The following CRADD variants were observed in gnomAD, a reference collection of about 807,000 sequenced individuals.
The protein encoded by CRADD is death domain-containing protein CRADD.
CRADD carries 9 observed loss-of-function variants against 15.5 expected under a neutral mutation model. The observed-to-expected ratio is 0.58, with a 90% CI of 0.35 to 1.01. The LOEUF (loss-of-function observed/expected upper bound fraction) is 1.01. Ranked by LOEUF, CRADD falls within the 50% of genes least tolerant of loss-of-function variation. The pLI is 0.02. For synonymous variants in CRADD, 118 were observed against 107.6 expected, an observed-to-expected ratio of 1.10 and a Z score of -0.60; for missense variants, 227 against 250.3, an observed-to-expected ratio of 0.91 and a Z score of 0.63.
chr12:93,750,213 G>T (rs1956813842), intron 2 of CRADD, among the ~76,000 whole-genome samples: 1 of 115,544 alleles, frequency 8.7e-6, no homozygotes, highest in Non-Finnish European at 1.7e-5. Context: ...TGGCTTTTTA[G>T]TAGGCGAGTT....
At chr12:93,762,964 C>T (rs1285237897) in intron 2 of CRADD, among the ~76,000 whole-genome samples, 1 of 152,176 alleles carries the variant, frequency 6.6e-6, no homozygotes, top group Non-Finnish European at 1.5e-5. Context: ...AGATATTTGC[C>T]TTCTCATTGA....
intron 2 of CRADD, among the ~76,000 whole-genome samples, chr12:93,806,180 G>A (rs569840025): frequency 2.6e-5 from 4 of 152,124 alleles, no homozygotes; most frequent in Admixed American, 2.0e-4. Context: ...GTGGCCGGGC[G>A]CAGTGGCTCA....
At chr12:93,789,453 A>G (rs1957324721) in intron 2 of CRADD, among the ~76,000 whole-genome samples, 1 of 152,192 alleles carries the variant, frequency 6.6e-6, no homozygotes, top group South Asian at 2.1e-4. Context: ...GGTTTAGAAG[A>G]GCCAGGGGAT....
rs80038278 is a variant in CRADD, at chr12:93,799,263, G to C, written c.299-50707G>C. On this transcript the variant is annotated intron_variant, in intron 2 of 2. Transcript: ENST00000332896. ...ATCTTCCAATGGAGTCCTGCCTCTT[G>C]ATTTTACTTTCTGAGGTTATGTTTG... is the stretch of plus-strand genomic sequence containing the variant. Among the ~76,000 whole-genome samples, 683 of 152,250 alleles carry C rather than the reference G, an allele frequency of 4.5e-3. 6 individuals carry two copies. The highest frequency in any genetic ancestry group is 0.015 in the African/African-American group (642 of 41,546).
At chr12:93,769,341 C>T (rs895210321) in intron 2 of CRADD, among the ~76,000 whole-genome samples, 1 of 152,192 alleles carries the variant, frequency 6.6e-6, no homozygotes, top group Non-Finnish European at 1.5e-5. Context: ...GCCCCGCCCT[C>T]CCAAAATGCT....
chr12:93,862,459 G>A (rs1163581935), intron 2 of CRADD, among the ~76,000 whole-genome samples: 3 of 152,144 alleles, frequency 2.0e-5, no homozygotes, highest in South Asian at 4.2e-4. Flanking sequence ...GGGGCTTGAC[G>A]GGAGTGTGGA....
rs553308972 is a variant in CRADD at position 93,769,792 on chromosome 12, G to A, written c.299-80178G>A. Among the ~76,000 whole-genome samples, 15 of 152,294 alleles carry A rather than the reference G, an allele frequency of 9.8e-5. No individual in the cohort carries two copies. The South Asian group carries it at 3.1e-3, about 32-fold the overall frequency. ...GACCATTTGGATGTCTTTTGGGTGG[G>A]CATGTTGAAGTATTTGTTTAGTATT... On this transcript the variant is annotated intron_variant, in intron 2 of 2. Coordinates refer to ENST00000332896, the MANE Select transcript of CRADD (RefSeq NM_003805.5).
At chr12:93,785,319 C>T (rs1205645082) in intron 2 of CRADD, among the ~76,000 whole-genome samples, 1 of 152,136 alleles carries the variant, frequency 6.6e-6, no homozygotes, top group Non-Finnish European at 1.5e-5. Flanking sequence ...ATGATTCAAA[C>T]TGATTTCCTC....
intron 2 of CRADD, among the ~76,000 whole-genome samples, chr12:93,840,195 C>A (rs549227310): frequency 1.3e-5 from 2 of 152,190 alleles, no homozygotes; most frequent in Non-Finnish European, 2.9e-5. Flanking sequence ...AATGTCATCC[C>A]ATCTAGCACA....
At chr12:93,746,468 G>C (rs1017926439) in intron 2 of CRADD, among the ~76,000 whole-genome samples, 11 of 152,186 alleles carry the variant, frequency 7.2e-5, no homozygotes, top group Admixed American at 7.2e-4. Context: ...GGACTTCCCT[G>C]AAGATTATGT....
intron 2 of CRADD, among the ~76,000 whole-genome samples, chr12:93,887,173 C>T (rs1429577646): frequency 6.6e-6 from 1 of 152,158 alleles, no homozygotes; most frequent in Non-Finnish European, 1.5e-5. Context: ...ATGAGAATTA[C>T]AATAGCTTAC....
At chr12:93,810,357 T>C (rs2137006852) in intron 2 of CRADD, among the ~76,000 whole-genome samples, 1 of 152,014 alleles carries the variant, frequency 6.6e-6, no homozygotes, top group South Asian at 2.1e-4. Context: ...GAGACCAGCC[T>C]GACCAACATG....
At chr12:93,722,560 T>A (rs1372262352) in intron 2 of CRADD, among the ~76,000 whole-genome samples, 6 of 152,156 alleles carry the variant, frequency 3.9e-5, no homozygotes, top group Admixed American at 3.9e-4. Context: ...TTTTGGAGGT[T>A]TCTATTGATA....
chr12:93,757,029 T>C (rs925054904), intron 2 of CRADD, among the ~76,000 whole-genome samples: 1 of 152,266 alleles, frequency 6.6e-6, no homozygotes, highest in African/African-American at 2.4e-5. Context: ...GAAATTTTCA[T>C]TTAAGGGATG....
chr12:93,823,984 A>G (rs73222753), intron 2 of CRADD, among the ~76,000 whole-genome samples: 3,206 of 152,348 alleles, frequency 0.021, 48 homozygotes, highest in Non-Finnish European at 0.03. Context: ...TGGAGAACAC[A>G]GTGACCCAAA....
intron 2 of CRADD, among the ~76,000 whole-genome samples, chr12:93,812,044 C>T (rs191237743): frequency 5.6e-4 from 85 of 152,240 alleles, no homozygotes; most frequent in African/African-American, 2.0e-3. Context: ...AGGCGGTATA[C>T]TGTATGACAT....
intron 2 of CRADD, among the ~76,000 whole-genome samples, chr12:93,786,235 T>C (rs1465158326): frequency 6.6e-6 from 1 of 152,192 alleles, no homozygotes; most frequent in African/African-American, 2.4e-5. Context: ...TGGAATAAAC[T>C]CCACAGTTGA....
chr12:93,709,581 A>G (rs550914570), intron 2 of CRADD, among the ~76,000 whole-genome samples: 33 of 152,332 alleles, frequency 2.2e-4, no homozygotes, highest in African/African-American at 7.7e-4. Flanking sequence ...TATTCCCACA[A>G]AAGACATGAT....
chr12:93,716,562 C>G (rs1179226345), intron 2 of CRADD, among the ~76,000 whole-genome samples: 1 of 152,188 alleles, frequency 6.6e-6, no homozygotes, highest in African/African-American at 2.4e-5. Flanking sequence ...CCCCTAGAAA[C>G]CACTGATTGT....
Sources: allele counts gnomAD v4.1 joint callset (sites outside exome capture counted in the v4.1 genomes callset), GRCh38; gene constraint gnomAD v4.1.1; transcripts MANE v1.5; gene names NCBI Gene and HGNC (gene_info 2026-07-23, HGNC 2026-07-21).